Variants in TARBP2 observed in about 807,000 individuals in gnomAD.
TARBP2 encodes the protein TARBP2 subunit of RISC loading complex.
TARBP2 carries 23 observed loss-of-function variants against 40.4 expected under a neutral mutation model. The observed-to-expected ratio is 0.57, with a 90% CI of 0.41 to 0.81. The LOEUF (loss-of-function observed/expected upper bound fraction) is 0.81. TARBP2 is among the 30% of genes least tolerant of loss of function. The pLI, the probability that TARBP2 is intolerant of heterozygous loss-of-function variation, is 0.00. For missense variants in TARBP2, 358 were observed against 473.7 expected (o/e 0.76, Z 2.27); for synonymous variants, 183 against 190.5 (o/e 0.96, Z 0.32).
chr12:53,503,938 C>T (rs1490315081), intron 4 of TARBP2, 130 bp downstream of exon 4: 7 of 717,060 alleles, frequency 9.8e-6, no homozygotes, highest in South Asian at 9.5e-5. Flanking sequence ...TAGTTGGGAA[C>T]CAGAACTTGA....
chr12:53,502,928 G>T, intron 2 of TARBP2, 99 bp from the exon 3 acceptor site: 1 of 1,314,590 alleles, frequency 7.6e-7, no homozygotes, highest in Non-Finnish European at 1.0e-6. Flanking sequence ...GAAGGGGCTT[G>T]ATTGATTCCC....
Position 53,505,877 on chromosome 12 carries a change from G to A in TARBP2, c.943+27G>A. ...TATGGCTAGCTGGGGAGCGAGCCAG[G>A]GGATGGTGGGGGCTGGACCGGAGCA... On this transcript the variant is annotated intron_variant, in intron 8 of 8. Coordinates refer to ENST00000266987, the MANE Select transcript of TARBP2 (RefSeq NM_134323.2). The surrounding 1 kb of genome is among the most constrained non-coding windows in gnomAD (Gnocchi z 4.5). 6 of 1,610,296 alleles carry A rather than the reference G, an allele frequency of 3.7e-6. No homozygotes were observed. The highest frequency in any genetic ancestry group is 5.1e-6 in the Non-Finnish European group (6 of 1,177,000).
upstream of TARBP2, chr12:53,501,000 A>G (rs1943675152): frequency 4.8e-6 from 1 of 208,278 alleles, no homozygotes; most frequent in Non-Finnish European, 9.9e-6. Context: ...CTCCGTGCCC[A>G]AGTGAGTCCT....
At chr12:53,501,024 C>T (rs1943676719), upstream of TARBP2, 1 of 248,336 alleles carries the variant, frequency 4.0e-6, no homozygotes, top group South Asian at 5.0e-5. Flanking sequence ...CGCCTCCCTA[C>T]CCAGCGGCTT....
Position 53,505,571 on chromosome 12 carries a change from T to C in TARBP2, c.742-78T>C. The C allele has an allele frequency of 1.4e-6, 2 of 1,416,010 alleles. No homozygotes were observed. Among genetic ancestry groups the C allele is most frequent in the East Asian group, 2.3e-5 (1 of 43,564 alleles). The allele number at this position is 1,416,010 out of a possible 1,614,324, so 87.7% of individuals were successfully genotyped here. A position where few individuals can be genotyped will look rare whatever the true frequency, so the allele number is the denominator to read the frequency against. On this transcript the variant is annotated intron_variant, in intron 7 of 8. Transcript: ENST00000266987. The surrounding 1 kb of genome is among the most constrained non-coding windows in gnomAD (Gnocchi z 4.5). ...AGGAAGCATTCTTTGTGCTTTGTTC[T>C]CCTTTGACGTTGAATGTCTCAATGC...
rs780934620 is a variant in TARBP2, at chr12:53,503,143, C to G, written c.326+14C>G. ...GGAGGACAGCAGGTGAGGGAGGAAC[C>G]GAGGCATCCCAGAAGCCCTTCAAGG... On this transcript the variant is annotated intron_variant, in intron 3 of 8. Transcript: ENST00000266987. The G allele has an allele frequency of 6.5e-7, 1 of 1,541,448 alleles. No homozygotes were observed. The highest frequency in any genetic ancestry group is 2.5e-5 in the East Asian group (1 of 40,432).
Position 53,501,391 on chromosome 12 carries a change from G to A in TARBP2, c.-18G>A, listed in dbSNP as rs1203020828. 2 of 1,558,434 alleles carry A rather than the reference G, an allele frequency of 1.3e-6. No homozygotes were observed. Among genetic ancestry groups the A allele is most frequent in the South Asian group, 1.2e-5 (1 of 84,570 alleles). On this transcript the variant is annotated 5_prime_UTR_variant, in exon 1 of 9. Transcript: ENST00000266987. The stretch of plus-strand genomic sequence containing the variant: ...GGAGGCTGCAGTCACGGTGGCGCCC[G>A]CGGGGACGGAGGAGGGAATGAGTGA...
chr12:53,501,290 C>G lies in TARBP2; in HGVS notation c.-119C>G. Reference sequence around the variant, plus strand: ...CGGGGGACTCCATATCCCAGCGTGCCCCGCGGCGGGCCCTACCGGCCGCGA... The same window carrying G: ...CGGGGGACTCCATATCCCAGCGTGCGCCGCGGCGGGCCCTACCGGCCGCGA... On this transcript the variant is annotated 5_prime_UTR_variant, in exon 1 of 9. Coordinates refer to ENST00000266987, the MANE Select transcript of TARBP2 (RefSeq NM_134323.2). The G allele has an allele frequency of 8.9e-7, 1 of 1,125,992 alleles. No homozygotes were observed. The highest frequency in any genetic ancestry group is 1.5e-5 in the South Asian group (1 of 68,368). The allele number at this position is 1,125,992 out of a possible 1,614,324, so 69.8% of individuals were successfully genotyped here.
At chr12:53,501,128 A>G, upstream of TARBP2, 2 of 531,006 alleles carry the variant, frequency 3.8e-6, no homozygotes, top group Non-Finnish European at 3.4e-6. Context: ...ACAAAAAAAT[A>G]CGGCCTTCTC....
rs1168828171 is a variant in TARBP2 at position 53,506,186 on chromosome 12, C to T, written c.*38C>T. 2 of 1,599,360 alleles carry T rather than the reference C, an allele frequency of 1.3e-6. No individual in the cohort carries two copies. The highest frequency in any genetic ancestry group is 1.7e-6 in the Non-Finnish European group (2 of 1,170,850). On this transcript the variant is annotated 3_prime_UTR_variant, in exon 9 of 9. Coordinates refer to ENST00000266987, the MANE Select transcript of TARBP2 (RefSeq NM_134323.2). ...ACTCATGGATGTGCACCCTTTGCTC[C>T]CTGCTCTTTCTGCCTCTGGGCTCAT...
intron 1 of TARBP2, 83 bp downstream of exon 1, chr12:53,501,544 C>G: frequency 6.5e-7 from 1 of 1,541,002 alleles, no homozygotes; most frequent in Non-Finnish European, 8.8e-7. Context: ...CAGCATGCAC[C>G]TGGCCTGAGG....
At chr12:53,503,583 C>T (rs981029649) in intron 3 of TARBP2, 130 bp from the exon 4 acceptor site, 9 of 682,930 alleles carry the variant, frequency 1.3e-5, no homozygotes, top group African/African-American at 3.6e-5. Flanking sequence ...GTTGGTTGAG[C>T]CTCCCTGATT....
Position 53,505,156 on chromosome 12 carries a change from T to C in TARBP2, c.635T>C (p.Leu212Ser), listed in dbSNP as rs1263471950. The C allele has an allele frequency of 6.2e-7, 1 of 1,609,470 alleles. No homozygotes were observed. The highest frequency in any genetic ancestry group is 1.3e-5 in the African/African-American group (1 of 74,824). Residue 212 changes from leucine to serine, a missense_variant, in exon 7 of 9, where the codon TTG becomes TCG. Transcript: ENST00000266987. This position sits in a 1 kb window ranked among gnomAD's most constrained non-coding sequence, Gnocchi z 4.5. The stretch of plus-strand genomic sequence containing the variant: ...GCAGGGAGTGGCACTTCCAAAAAAT[T>C]GGCAAAGCGGAATGCGGCGGCCAAA... The part of the protein sequence containing the change: ...IEIGSGTSKK[L>S]AKRNAAAKML...
At chr12:53,501,179 T>C (rs1393052226), upstream of TARBP2, 1 of 572,198 alleles carries the variant, frequency 1.7e-6, no homozygotes, top group Non-Finnish European at 3.1e-6. Flanking sequence ...CAGAAGGCGG[T>C]GCAGCCTGCC....
At chr12:53,503,658 C>T (rs944644120) in intron 3 of TARBP2, 55 bp from the exon 4 acceptor site, 8 of 1,335,772 alleles carry the variant, frequency 6.0e-6, no homozygotes, top group African/African-American at 1.4e-5. Flanking sequence ...GTCCCCCACC[C>T]CTCTCTTCCC....
intron 1 of TARBP2, 102 bp downstream of exon 1, chr12:53,501,563 C>T (rs1451230186): frequency 2.0e-6 from 3 of 1,521,396 alleles, no homozygotes; most frequent in Non-Finnish European, 2.7e-6. Flanking sequence ...GGGTTGTTCC[C>T]GGCAAGCACT....
chr12:53,502,275 C>T, intron 2 of TARBP2, 91 bp downstream of exon 2: 3 of 1,476,702 alleles, frequency 2.0e-6, no homozygotes, highest in South Asian at 2.5e-5. Flanking sequence ...CAGTCCTTTT[C>T]TCCAAGGCCA....
Position 53,505,261 on chromosome 12 carries a change from T to A in TARBP2, c.740T>A (p.Ile247Asn). The A allele has an allele frequency of 6.3e-7, 1 of 1,590,180 alleles. No homozygotes were observed. Among genetic ancestry groups the A allele is most frequent in the Non-Finnish European group, 8.6e-7 (1 of 1,161,700 alleles). Residue 247 changes from isoleucine (I) to asparagine (N), a missense_variant and splice_region_variant, in exon 7 of 9, where the codon ATT becomes AAT. Ile to Asn is a moderately radical substitution (Grantham distance 149). Coordinates refer to ENST00000266987, the MANE Select transcript of TARBP2 (RefSeq NM_134323.2). This position sits in a 1 kb window ranked among gnomAD's most constrained non-coding sequence, Gnocchi z 4.5. ...GAGCCTGATGATGACCACTTCTCCA[T>A]TGTGAGTGGCTCATGTGGGCCGGGC... ...EVEPDDDHFSIGVGSRLDGLR... is the reference protein window; with the variant it reads ...EVEPDDDHFSNGVGSRLDGLR...
chr12:53,502,171 C>G lies in TARBP2; in HGVS notation c.210C>G (p.Asp70Glu). ...PNFTFRVTVG[D>E]TSCTGQGPSK... ...TCACCTTCCGGGTCACCGTTGGCGA[C>G]ACCAGCTGCACTGGTGAGGAAGGCT... Residue 70 changes from aspartate to glutamate, a missense_variant, in exon 2 of 9, where the codon GAC becomes GAG. Asp to Glu is a conservative substitution (Grantham distance 45). Around this residue, in one of 3 missense-constraint regions of TARBP2, gnomAD observed 317 missense variants for 422.9 expected, o/e 0.75. Transcript: ENST00000266987. 6.2e-7 allele frequency: 1 copy of G among 1,614,234 alleles called. No homozygotes were observed.
Sources: gnomAD v4.1 joint callset for allele counts on GRCh38, gnomAD v4.1.1 for gene constraint, gnomAD v4.1.1 regional missense constraint, Gnocchi (gnomAD v3.1) non-coding constraint, MANE v1.5 for transcripts, NCBI Gene and HGNC (gene_info 2026-07-23, HGNC 2026-07-21) for gene names.